The following SRPK2 variants were observed in gnomAD, a reference collection of about 807,000 sequenced individuals.
SRPK2 encodes the protein SRSF protein kinase 2.
A neutral mutation model predicts 90.8 loss-of-function variants in SRPK2; 21 were observed. That is an observed-to-expected ratio of 0.23 (90% CI 0.16 to 0.33). SRPK2 has a LOEUF of 0.33. Among genes scored for constraint, SRPK2 ranks in the 10% least tolerant of loss-of-function variants. The pLI is 1.00. For synonymous variants in SRPK2, 288 were observed against 311.1 expected, an observed-to-expected ratio of 0.93 and a Z score of 0.78; for missense variants, 620 against 869.0, an observed-to-expected ratio of 0.71 and a Z score of 3.60.
At chr7:105,349,184 G>C (rs1410972078) in intron 2 of SRPK2, among the ~76,000 whole-genome samples, 1 of 140,414 alleles carries the variant, frequency 7.1e-6, no homozygotes, top group Non-Finnish European at 1.5e-5. Flanking sequence ...GGGAGGGGAG[G>C]GGATGGAGGG....
At chr7:105,389,442 G>T, upstream of SRPK2, 3 of 1,188,996 alleles carry the variant, frequency 2.5e-6, no homozygotes, top group Non-Finnish European at 3.2e-6. Context: ...CTGGGTCCGC[G>T]ATTAGCGGTG....
chr7:105,362,674 C>T (rs1023076279), intron 2 of SRPK2, among the ~76,000 whole-genome samples: 20 of 152,226 alleles, frequency 1.3e-4, no homozygotes, highest in Non-Finnish European at 2.4e-4. Flanking sequence ...AATACCATTT[C>T]ACCCAGCCAT....
chr7:105,169,099 G>T (rs1790477636), intron 4 of SRPK2, 58 bp downstream of exon 4: 2 of 1,464,132 alleles, frequency 1.4e-6, no homozygotes, highest in South Asian at 1.1e-5. Context: ...TACCTTCTTA[G>T]AACACAGATG....
chr7:105,251,350 G>A (rs778932584), intron 2 of SRPK2, among the ~76,000 whole-genome samples: 1 of 152,130 alleles, frequency 6.6e-6, no homozygotes, highest in Non-Finnish European at 1.5e-5. Flanking sequence ...TGAATACTCA[G>A]TAAGAAAGGA....
At chr7:105,167,272 G>C (rs144805594) in intron 6 of SRPK2, 105 bp downstream of exon 6, 2 of 877,848 alleles carry the variant, frequency 2.3e-6, no homozygotes, top group East Asian at 5.4e-5. Context: ...TTCCTAGAGT[G>C]TTTATGTTGA....
intron 2 of SRPK2, among the ~76,000 whole-genome samples, chr7:105,345,201 A>C (rs866884691): frequency 4.8e-5 from 6 of 124,796 alleles, no homozygotes; most frequent in African/African-American, 1.8e-4. Flanking sequence ...AGGGGAGGGG[A>C]GGGGAAGGGA....
At chr7:105,335,384 A>C (rs961093491) in intron 2 of SRPK2, among the ~76,000 whole-genome samples, 2 of 152,090 alleles carry the variant, frequency 1.3e-5, no homozygotes, top group African/African-American at 4.8e-5. Context: ...CTTGGGCTGG[A>C]TGTCGTGGCT....
chr7:105,336,592 A>G (rs1815119968), intron 2 of SRPK2, among the ~76,000 whole-genome samples: 1 of 152,178 alleles, frequency 6.6e-6, no homozygotes, highest in Non-Finnish European at 1.5e-5. Flanking sequence ...CGTCTTAAGT[A>G]AATTTTACTC....
chr7:105,277,974 G>A (rs1433984980), intron 2 of SRPK2, among the ~76,000 whole-genome samples: 1 of 152,188 alleles, frequency 6.6e-6, no homozygotes, highest in Non-Finnish European at 1.5e-5. Context: ...GTTTGTAAAT[G>A]AAGAGAAAAA....
chr7:105,141,629 GAAACA>G (rs1161764141), intron 11 of SRPK2, among the ~76,000 whole-genome samples: 1 of 152,152 alleles, frequency 6.6e-6, no homozygotes, highest in Non-Finnish European at 1.5e-5. Context: ...TTCTTGAATA[GAAACA>G]AAACAAAACT....
intron 2 of SRPK2, among the ~76,000 whole-genome samples, chr7:105,269,582 T>C (rs934194506): frequency 2.6e-4 from 39 of 152,086 alleles, no homozygotes; most frequent in South Asian, 2.1e-4. Context: ...TAGGAAAGGA[T>C]TGACAATAGA....
chr7:105,245,873 C>T (rs972974160), intron 2 of SRPK2, among the ~76,000 whole-genome samples: 1 of 152,066 alleles, frequency 6.6e-6, no homozygotes, highest in Admixed American at 6.6e-5. Context: ...CACACATCAT[C>T]GCACCCAGCT....
At chr7:105,243,719 T>C (rs983501344) in intron 2 of SRPK2, among the ~76,000 whole-genome samples, 1 of 149,478 alleles carries the variant, frequency 6.7e-6, no homozygotes, top group African/African-American at 2.5e-5. Context: ...AGAATTACAA[T>C]AGACTGAATT....
chr7:105,273,908 A>T (rs184659880), intron 2 of SRPK2, among the ~76,000 whole-genome samples: 256 of 152,288 alleles, frequency 1.7e-3, no homozygotes, highest in Non-Finnish European at 2.3e-3. Flanking sequence ...GATACACTTA[A>T]CCAAAGATCC....
At chr7:105,380,517 T>TA (rs1458146599) in intron 2 of SRPK2, among the ~76,000 whole-genome samples, 1 of 130,408 alleles carries the variant, frequency 7.7e-6, no homozygotes, top group African/African-American at 2.7e-5. Flanking sequence ...ATTAACATGC[T>TA]AAAATTTTTT....
chr7:105,133,895 C>T (rs1161399791), intron 11 of SRPK2, among the ~76,000 whole-genome samples: 2 of 151,994 alleles, frequency 1.3e-5, no homozygotes, highest in East Asian at 1.9e-4. Context: ...GATTCTGGGG[C>T]CAGATCTTCT....
intron 2 of SRPK2, among the ~76,000 whole-genome samples, chr7:105,343,457 C>T (rs1816068288): frequency 6.6e-6 from 1 of 152,042 alleles, no homozygotes; most frequent in African/African-American, 2.4e-5. Context: ...ACAAAAGTCA[C>T]CATTATTAAG....
At chr7:105,389,183 C>T, upstream of SRPK2, 1 of 1,075,944 alleles carries the variant, frequency 9.3e-7, no homozygotes. Flanking sequence ...GGCCGCCCGC[C>T]TCTCCCGGGC....
intron 1 of SRPK2, among the ~76,000 whole-genome samples, chr7:105,398,185 C>T (rs887441854): frequency 1.3e-5 from 2 of 152,072 alleles, no homozygotes; most frequent in African/African-American, 4.8e-5. Context: ...AAAATGTCCA[C>T]ATAGTATTAA....
Sources: gnomAD v4.1 joint callset for allele counts (sites outside exome capture counted in the v4.1 genomes callset) on GRCh38, gnomAD v4.1.1 for gene constraint, MANE v1.5 for transcripts, NCBI Gene and HGNC (gene_info 2026-07-23, HGNC 2026-07-21) for gene names.